Variants in NAALADL2 observed in about 807,000 individuals in gnomAD.
The protein encoded by NAALADL2 is inactive N-acetylated-alpha-linked acidic dipeptidase-like protein 2.
NAALADL2 carries 76 observed loss-of-function variants against 87.2 expected under a neutral mutation model. That is an observed-to-expected ratio of 0.87 (90% CI 0.72 to 1.05). The LOEUF is 1.05. Ranked by LOEUF, NAALADL2 falls within the 50% of genes least tolerant of loss-of-function variation. The pLI, the probability that NAALADL2 is intolerant of heterozygous loss-of-function variation, is 0.00. For synonymous variants in NAALADL2, 354 were observed against 331.0 expected (o/e 1.07, Z -0.75); for missense variants, 1,089 against 945.8 (o/e 1.15, Z -1.99).
chr3:174,840,398 G>A (rs1723886525), intron 3 of NAALADL2, among the ~76,000 whole-genome samples: 1 of 151,844 alleles, frequency 6.6e-6, no homozygotes, highest in Admixed American at 6.6e-5. Context: ...CGGAAGATAG[G>A]GTCATGTTTG....
chr3:175,638,670 A>G (rs1274622898), intron 11 of NAALADL2, among the ~76,000 whole-genome samples: 1 of 152,210 alleles, frequency 6.6e-6, no homozygotes, highest in African/African-American at 2.4e-5. Context: ...TTATGTAGCT[A>G]CTATTATGAT....
intron 5 of NAALADL2, among the ~76,000 whole-genome samples, chr3:175,438,179 C>A (rs1020167003): frequency 9.2e-5 from 14 of 152,054 alleles, no homozygotes; most frequent in African/African-American, 3.4e-4. Flanking sequence ...TAGCACAAAG[C>A]ATTTTTAAAG....
intron 13 of NAALADL2, among the ~76,000 whole-genome samples, chr3:175,791,043 A>G (rs1752716237): frequency 6.6e-6 from 1 of 152,168 alleles, no homozygotes; most frequent in Non-Finnish European, 1.5e-5. Context: ...TCTCAGTTCC[A>G]TTGCATCTGA....
intron 2 of NAALADL2, among the ~76,000 whole-genome samples, chr3:174,683,186 C>A (rs978320445): frequency 1.3e-5 from 2 of 151,922 alleles, no homozygotes; most frequent in African/African-American, 2.4e-5. Context: ...CTTGAAGACA[C>A]GCAATTTGAA....
At chr3:175,085,009 C>A (rs1449596858) in intron 1 of NAALADL2, among the ~76,000 whole-genome samples, 1 of 152,020 alleles carries the variant, frequency 6.6e-6, no homozygotes, top group Non-Finnish European at 1.5e-5. Context: ...ACTGATGGAG[C>A]CTATGGGAAA....
intron 3 of NAALADL2, among the ~76,000 whole-genome samples, chr3:174,745,406 C>G (rs937919265): frequency 6.6e-6 from 1 of 152,048 alleles, no homozygotes; most frequent in African/African-American, 2.4e-5. Context: ...GAAGTCGAAT[C>G]CCTGAATAGA....
At position 174,762,785 on chromosome 3, in the gene NAALADL2, A is replaced by C. The variant is rs79743407; in HGVS notation, c.-9+25039A>C. Among the ~76,000 whole-genome samples, 889 of 152,272 alleles carry C rather than the reference A, an allele frequency of 5.8e-3. 5 individuals are homozygous for C. The highest frequency in any genetic ancestry group is 0.02 in the African/African-American group (843 of 41,556). On this transcript the variant is annotated intron_variant, in intron 3 of 3. Coordinates refer to the NAALADL2 transcript ENST00000434257. ...TGATGGGTATACTCATGAAATACCA[A>C]ATAATAACTTTAATATTTGCAACTA... is the stretch of plus-strand genomic sequence containing the variant.
At chr3:175,026,969 C>G (rs1752301006) in intron 1 of NAALADL2, among the ~76,000 whole-genome samples, 1 of 152,110 alleles carries the variant, frequency 6.6e-6, no homozygotes, top group South Asian at 2.1e-4. Context: ...TTGGGATACT[C>G]TGTATATGGC....
Position 175,256,469 on chromosome 3 carries a change from TA to T in NAALADL2, c.884del (p.Asn295ThrfsTer2). The T allele has an allele frequency of 1.2e-6, 2 of 1,612,242 alleles. No individual in the cohort carries two copies. The highest frequency in any genetic ancestry group is 1.7e-6 in the Non-Finnish European group (2 of 1,179,110). On this transcript the variant is annotated frameshift_variant, in exon 4 of 14. Coordinates refer to ENST00000454872, the MANE Select transcript of NAALADL2 (RefSeq NM_207015.3). LOFTEE classifies it high-confidence loss of function. The part of the protein sequence containing the change: ...MADDLKRIRK[I>X]KNVTNQIALL... ...GATGATTTAAAAAGGATTAGGAAAA[TA>T]AAAAACGTAACAAATCAGATCGCAC...
chr3:174,968,954 A>G (rs1169681086), intron 1 of NAALADL2, among the ~76,000 whole-genome samples: 1 of 152,156 alleles, frequency 6.6e-6, no homozygotes, highest in Non-Finnish European at 1.5e-5. Context: ...ATTCATCCGT[A>G]TCATCTAAAA....
At chr3:175,760,506 C>A (rs3905294) in intron 13 of NAALADL2, among the ~76,000 whole-genome samples, 1 of 152,176 alleles carries the variant, frequency 6.6e-6, no homozygotes, top group South Asian at 2.1e-4. Flanking sequence ...AAAACAATAT[C>A]TATGTTCCGG....
intron 2 of NAALADL2, among the ~76,000 whole-genome samples, chr3:175,224,045 G>C (rs1302201119): frequency 6.6e-6 from 1 of 152,112 alleles, no homozygotes; most frequent in Admixed American, 6.6e-5. Context: ...GAAGGTGAAG[G>C]TTAAAGAAAG....
chr3:175,802,627 T>A (rs531773823), intron 13 of NAALADL2, among the ~76,000 whole-genome samples: 1 of 147,262 alleles, frequency 6.8e-6, no homozygotes, highest in East Asian at 2.0e-4. Flanking sequence ...ATCTATATTT[T>A]GCTAATGACA....
In NAALADL2 at chr3:174,736,462, C is replaced by T. The variant is rs995981222; in HGVS notation, c.-114-1179C>T. ...GCAGGGTGTCCCAACAAGTGTTCAG[C>T]TATCAGCAGAGAGGAGACCCTGGAG... On this transcript the variant is annotated intron_variant, in intron 2 of 3. Coordinates refer to the NAALADL2 transcript ENST00000434257. Among the ~76,000 whole-genome samples, 3 of 152,154 alleles carry T rather than the reference C, an allele frequency of 2.0e-5. 1 individual carries two copies. The highest frequency in any genetic ancestry group is 4.2e-4 in the South Asian group (2 of 4,818).
intron 2 of NAALADL2, among the ~76,000 whole-genome samples, chr3:175,158,304 A>G (rs1337941177): frequency 6.6e-6 from 1 of 152,018 alleles, no homozygotes; most frequent in Non-Finnish European, 1.5e-5. Context: ...AAATAAGACA[A>G]TTTTCACCCC....
At chr3:175,382,112 A>G (rs1015391394) in intron 5 of NAALADL2, among the ~76,000 whole-genome samples, 1 of 152,160 alleles carries the variant, frequency 6.6e-6, no homozygotes, top group South Asian at 2.1e-4. Flanking sequence ...GAATTGAAGT[A>G]CTCTTGTATT....
At chr3:175,087,284 G>T (rs1394678843) in intron 1 of NAALADL2, among the ~76,000 whole-genome samples, 1 of 152,078 alleles carries the variant, frequency 6.6e-6, no homozygotes, top group South Asian at 2.1e-4. Context: ...GGAGGGAGGT[G>T]GGGGGCAGCC....
chr3:175,077,512 T>C (rs1716832118), intron 1 of NAALADL2, among the ~76,000 whole-genome samples: 1 of 152,196 alleles, frequency 6.6e-6, no homozygotes, highest in Non-Finnish European at 1.5e-5. Context: ...GCAGAAATAT[T>C]TCTAACTTTG....
At chr3:175,640,988 AC>A (rs1459965823) in intron 11 of NAALADL2, among the ~76,000 whole-genome samples, 3 of 152,182 alleles carry the variant, frequency 2.0e-5, no homozygotes, top group Admixed American at 6.5e-5. Context: ...TTAGCAAATG[AC>A]TGAGAAGTCC....
Sources: allele counts gnomAD v4.1 joint callset (sites outside exome capture counted in the v4.1 genomes callset), GRCh38; gene constraint gnomAD v4.1.1; transcripts MANE v1.5; gene names NCBI Gene and HGNC (gene_info 2026-07-23, HGNC 2026-07-21).